The following CEP76 variants were observed in gnomAD, a reference collection of about 807,000 sequenced individuals.
CEP76 encodes centrosomal protein 76, also known as centrosomal protein of 76 kDa.
A neutral mutation model predicts 83.3 loss-of-function variants in CEP76; 55 were observed. The observed-to-expected ratio is 0.66, with a 90% CI of 0.53 to 0.83. CEP76 has a LOEUF of 0.83. Among genes scored for constraint, CEP76 ranks in the 40% least tolerant of loss-of-function variants. The pLI is 0.00. For missense variants in CEP76, 694 were observed against 799.5 expected (o/e 0.87, Z 1.59); for synonymous variants, 270 against 274.5 (o/e 0.98, Z 0.16).
intron 7 of CEP76, chr18:12,686,762 T>C (rs1555645109): frequency 4.6e-6 from 1 of 215,714 alleles, no homozygotes; most frequent in African/African-American, 2.3e-5. Context: ...GGTAGGTATG[T>C]AGGGGAGGGA....
chr18:12,669,382 G>A (rs2038882777), downstream of CEP76, among the ~76,000 whole-genome samples: 1 of 151,942 alleles, frequency 6.6e-6, no homozygotes, highest in African/African-American at 2.4e-5. Flanking sequence ...AAAGTGCTGG[G>A]ATTACAGGCA....
downstream of CEP76, among the ~76,000 whole-genome samples, chr18:12,672,402 C>T (rs1468943774): frequency 2.0e-5 from 3 of 152,174 alleles, no homozygotes; most frequent in Non-Finnish European, 4.4e-5. Context: ...AGGCATAAAC[C>T]ACTACGCCGA....
Position 12,700,987 on chromosome 18 carries a change from C to A in CEP76, c.190G>T (p.Asp64Tyr). 6.2e-7 allele frequency: 1 copy of A among 1,612,678 alleles called. No individual in the cohort carries two copies. The highest frequency in any genetic ancestry group is 8.5e-7 in the Non-Finnish European group (1 of 1,179,610). ...KALRRRGIID[D>Y]VMKELNFVTD... ...ACAAAATTAAGTTCTTTCATCACAT[C>A]GTCAATGATTCCTCGACGTCTAAGG... The change falls in exon 2 of 12, where the codon GAT becomes TAT. Residue 64 changes from aspartate (D) to tyrosine (Y), a missense_variant. Asp to Tyr is a radical substitution (Grantham distance 160). Transcript: ENST00000262127.
chr18:12,667,450 G>A (rs1012647631), intron 12 of CEP76, among the ~76,000 whole-genome samples: 1 of 151,978 alleles, frequency 6.6e-6, no homozygotes, highest in Admixed American at 6.6e-5. Context: ...GAGTGAGACA[G>A]TCTCTTGAAA....
At chr18:12,694,231 G>T (rs1000207842) in intron 6 of CEP76, among the ~76,000 whole-genome samples, 3 of 152,210 alleles carry the variant, frequency 2.0e-5, no homozygotes, top group Admixed American at 2.0e-4. Context: ...AGGAAAAAAA[G>T]TTTAAAGAAA....
At chr18:12,674,877 TTAA>T (rs891659972) in intron 10 of CEP76, 124 bp from the exon 11 acceptor site, 9 of 532,548 alleles carry the variant, frequency 1.7e-5, no homozygotes, top group African/African-American at 3.9e-5. Flanking sequence ...TCATAATATT[TTAA>T]TAATAATAAT....
In CEP76 at chr18:12,691,417, C is replaced by G. The variant is rs767228896; in HGVS notation, c.875G>C (p.Arg292Thr). The G allele has an allele frequency of 4.4e-6, 7 of 1,608,980 alleles. No individual in the cohort carries two copies. The Admixed American group carries it at 1.2e-4, about 27-fold the overall frequency. Reference sequence around the variant, plus strand: ...TGAGGGTCGAATTTGCAAATATTCTCTCCACCACTGCTTAGCATATACAAG... The same window carrying G: ...TGAGGGTCGAATTTGCAAATATTCTGTCCACCACTGCTTAGCATATACAAG... ...LFLVYAKQWW[R>T]EYLQIRPSHN... Residue 292 changes from arginine (R) to threonine (T), a missense_variant, in exon 7 of 12, where the codon AGA becomes ACA. Physicochemically the swap from Arg to Thr is moderately conservative, Grantham distance 71. Transcript: ENST00000262127.
chr18:12,670,374 A>G (rs1256170847), downstream of CEP76: 1 of 152,178 alleles, frequency 6.6e-6, no homozygotes, highest in Admixed American at 6.6e-5. Context: ...TGGTAAATGC[A>G]CTGAAATTAC....
downstream of CEP76, among the ~76,000 whole-genome samples, chr18:12,672,126 T>C (rs1294858831): frequency 2.0e-5 from 3 of 150,406 alleles, no homozygotes; most frequent in Non-Finnish European, 4.4e-5. Context: ...CCCTTTTTTT[T>C]TTTTCTGAGA....
In CEP76 at chr18:12,699,062, C is replaced by T; in HGVS notation, c.437G>A (p.Arg146His). The T allele has an allele frequency of 1.9e-6, 3 of 1,614,028 alleles. No homozygotes were observed. The highest frequency in any genetic ancestry group is 2.5e-6 in the Non-Finnish European group (3 of 1,179,984). The change falls in exon 4 of 12, where the codon CGT becomes CAT. Residue 146 changes from arginine to histidine, a missense_variant. Coordinates refer to ENST00000262127, the MANE Select transcript of CEP76 (RefSeq NM_024899.4). ...FTLCLHYRNQ[R>H]FRSKPVPCAC... The stretch of plus-strand genomic sequence containing the variant: ...ACATGGAACAGGTTTAGAACGAAAA[C>T]GTTGGTTTCGATAATGTAAACATAA...
intron 5 of CEP76, among the ~76,000 whole-genome samples, chr18:12,695,981 T>C (rs1019862585): frequency 6.6e-6 from 1 of 152,124 alleles, no homozygotes; most frequent in Admixed American, 6.6e-5. Flanking sequence ...TTTCAATCCA[T>C]GCCTGGATTT....
At chr18:12,687,583 G>T (rs1372278751) in intron 7 of CEP76, among the ~76,000 whole-genome samples, 1 of 151,488 alleles carries the variant, frequency 6.6e-6, no homozygotes, top group East Asian at 2.0e-4. Flanking sequence ...CTCCTGAGTA[G>T]CTGGGATTAC....
chr18:12,696,357 G>C (rs997033319), intron 5 of CEP76, among the ~76,000 whole-genome samples: 20 of 151,986 alleles, frequency 1.3e-4, no homozygotes, highest in African/African-American at 4.8e-4. Context: ...ACAAAAATTA[G>C]CTGGGTGTGG....
chr18:12,668,597 C>CAAAAAAAAAAAAAA (rs752216074), downstream of CEP76, among the ~76,000 whole-genome samples: 26 of 72,830 alleles, frequency 3.6e-4, no homozygotes, highest in Non-Finnish European at 5.6e-4. Flanking sequence ...GATTCCATCT[C>CAAAAAAAAAAAAAA]AAAAAAAAAA....
intron 1 of CEP76, among the ~76,000 whole-genome samples, chr18:12,701,893 G>A (rs1211778100): frequency 6.6e-6 from 1 of 152,230 alleles, no homozygotes; most frequent in Non-Finnish European, 1.5e-5. Context: ...CACTTTAGGA[G>A]GCCGAGGCGG....
intron 10 of CEP76, 88 bp from the exon 11 acceptor site, chr18:12,674,841 T>C (rs1598615865): frequency 1.4e-6 from 1 of 706,550 alleles, no homozygotes; most frequent in African/African-American, 1.8e-5. Flanking sequence ...TTTTAATGTA[T>C]ACCAAGAAAA....
At chr18:12,681,155 G>A (rs112186094) in intron 8 of CEP76, among the ~76,000 whole-genome samples, 3 of 146,118 alleles carry the variant, frequency 2.1e-5, no homozygotes, top group African/African-American at 7.6e-5. Context: ...CTACAATCGC[G>A]CCACTGCATT....
At chr18:12,689,455 C>T (rs1052229884) in intron 7 of CEP76, among the ~76,000 whole-genome samples, 1 of 152,200 alleles carries the variant, frequency 6.6e-6, no homozygotes, top group African/African-American at 2.4e-5. Context: ...CTTCTCTAAC[C>T]TTCATACTGT....
intron 2 of CEP76, among the ~76,000 whole-genome samples, chr18:12,700,611 G>C (rs950084103): frequency 6.6e-6 from 1 of 151,988 alleles, no homozygotes. Context: ...TTAAAAATAC[G>C]CTTAATCTAA....
Sources: gnomAD v4.1 joint callset for allele counts (sites outside exome capture counted in the v4.1 genomes callset) on GRCh38, gnomAD v4.1.1 for gene constraint, MANE v1.5 for transcripts, NCBI Gene and HGNC (gene_info 2026-07-23, HGNC 2026-07-21) for gene names.